ASB5: variants seen among roughly 807,000 people sequenced by gnomAD.
ASB5 encodes ankyrin repeat and SOCS box protein 5.
ASB5 carries 45 observed loss-of-function variants against 42.1 expected under a neutral mutation model. That is an observed-to-expected ratio of 1.07 (90% CI 0.84 to 1.37). The LOEUF (loss-of-function observed/expected upper bound fraction) is 1.37. ASB5 is among the 40% of genes most tolerant of loss of function. The pLI, the probability that ASB5 is intolerant of heterozygous loss-of-function variation, is 0.00. For synonymous variants in ASB5, 147 were observed against 150.6 expected, an observed-to-expected ratio of 0.98 and a Z score of 0.18; for missense variants, 402 against 399.8, an observed-to-expected ratio of 1.01 and a Z score of -0.05.
intron 1 of ASB5, among the ~76,000 whole-genome samples, chr4:176,268,642 A>G (rs1394402430): frequency 6.6e-6 from 1 of 152,068 alleles, no homozygotes; most frequent in African/African-American, 2.4e-5. Context: ...ATAGGAATAG[A>G]TATATTTCTA....
At chr4:176,220,328 ATG>A (rs1753167225) in intron 5 of ASB5, among the ~76,000 whole-genome samples, 1 of 152,230 alleles carries the variant, frequency 6.6e-6, no homozygotes. Context: ...AGCTAAGATA[ATG>A]TGAGTAGTGC....
At chr4:176,263,929 C>T (rs1754310720) in intron 1 of ASB5, among the ~76,000 whole-genome samples, 2 of 152,102 alleles carry the variant, frequency 1.3e-5, no homozygotes, top group East Asian at 1.9e-4. Flanking sequence ...ATTCTTACTG[C>T]TTTTCCTATC....
chr4:176,268,802 A>T, intron 1 of ASB5, 111 bp downstream of exon 1: 1 of 968,844 alleles, frequency 1.0e-6, no homozygotes, highest in Non-Finnish European at 1.4e-6. Flanking sequence ...TTCCCTTAAC[A>T]AAAGTTTATA....
chr4:176,244,576 C>G (rs891494473), intron 1 of ASB5, among the ~76,000 whole-genome samples: 8 of 152,088 alleles, frequency 5.3e-5, no homozygotes, highest in African/African-American at 1.7e-4. Flanking sequence ...ATCCTACGAC[C>G]AAGTGAAAAT....
chr4:176,260,270 A>T (rs577202492), intron 1 of ASB5, among the ~76,000 whole-genome samples: 59 of 152,206 alleles, frequency 3.9e-4, no homozygotes, highest in Admixed American at 1.4e-3. Context: ...TGAGCCCCTG[A>T]CGGCCTTCTA....
At chr4:176,216,784 TG>T (rs759812971) in intron 6 of ASB5, 33 bp downstream of exon 6, 4 of 1,499,076 alleles carry the variant, frequency 2.7e-6, no homozygotes, top group Non-Finnish European at 3.6e-6. Flanking sequence ...AAATATATTT[TG>T]TTTTTGTAAG....
At chr4:176,267,975 T>C (rs552470970) in intron 1 of ASB5, among the ~76,000 whole-genome samples, 3 of 152,338 alleles carry the variant, frequency 2.0e-5, no homozygotes, top group East Asian at 3.9e-4. Flanking sequence ...GACTTTTCTT[T>C]CAAGTTTACA....
chr4:176,237,296 T>C, intron 1 of ASB5: 1 of 985,880 alleles, frequency 1.0e-6, no homozygotes, highest in African/African-American at 1.7e-5. Flanking sequence ...ATACTAACCT[T>C]GACTGGTCAG....
At chr4:176,216,739 CA>C in intron 6 of ASB5, 78 bp downstream of exon 6, 1 of 1,225,976 alleles carries the variant, frequency 8.2e-7, no homozygotes. Context: ...CTTTCCATGC[CA>C]ACAAAAACTC....
At chr4:176,229,426 G>A (rs1196327710) in intron 1 of ASB5, among the ~76,000 whole-genome samples, 3 of 152,080 alleles carry the variant, frequency 2.0e-5, no homozygotes, top group African/African-American at 7.2e-5. Context: ...CTTCTCCCTT[G>A]CATACTAATG....
rs370943975 is a variant in ASB5 at position 176,260,308 on chromosome 4, G to A, written c.196+8605C>T. Reference sequence around the variant, plus strand: ...AAAATCTTAAATCTACCTTAAATATGGGATATTAATCTATCTTAAATCTAT... The same window carrying A: ...AAAATCTTAAATCTACCTTAAATATAGGATATTAATCTATCTTAAATCTAT... On this transcript the variant is annotated intron_variant, in intron 1 of 6. Coordinates refer to ENST00000296525, the MANE Select transcript of ASB5 (RefSeq NM_080874.4). Among the ~76,000 whole-genome samples the A allele has an allele frequency of 3.9e-5, 6 of 152,142 alleles. No individual in the cohort carries two copies. In the East Asian group the frequency reaches 9.7e-4, roughly 24 times the overall value.
At chr4:176,229,712 C>T (rs1753475450) in intron 1 of ASB5, among the ~76,000 whole-genome samples, 1 of 151,890 alleles carries the variant, frequency 6.6e-6, no homozygotes, top group African/African-American at 2.4e-5. Context: ...TACGTATGTG[C>T]ACTTGCTATT....
intron 1 of ASB5, among the ~76,000 whole-genome samples, chr4:176,255,003 G>A (rs1164315822): frequency 5.3e-5 from 8 of 152,248 alleles, no homozygotes; most frequent in Non-Finnish European, 7.4e-5. Context: ...GGTGGCGCGT[G>A]CCTGTAATCC....
intron 1 of ASB5, among the ~76,000 whole-genome samples, chr4:176,233,513 T>G (rs1316267464): frequency 6.6e-6 from 1 of 152,182 alleles, no homozygotes; most frequent in Non-Finnish European, 1.5e-5. Context: ...GTTTAAACAG[T>G]GTTACCATTT....
At chr4:176,236,224 G>A (rs543387681) in intron 1 of ASB5, among the ~76,000 whole-genome samples, 21 of 151,604 alleles carry the variant, frequency 1.4e-4, no homozygotes, top group African/African-American at 2.4e-4. Flanking sequence ...TAATGCCTGC[G>A]GTTTAGTGCA....
intron 5 of ASB5, among the ~76,000 whole-genome samples, chr4:176,219,897 T>C (rs6842033): frequency 0.9 from 137,346 of 151,784 alleles, 62,274 homozygotes; most frequent in African/African-American, 0.93. Context: ...GAATAATATT[T>C]CTAGCAAAGG....
chr4:176,270,294 A>C (rs77436376), upstream of ASB5, among the ~76,000 whole-genome samples: 361 of 152,286 alleles, frequency 2.4e-3, 6 homozygotes, highest in East Asian at 0.034. Flanking sequence ...ATAACAAAAA[A>C]CAAACATAAG....
At chr4:176,237,594 T>G (rs750762382) in intron 1 of ASB5, 1 of 984,654 alleles carries the variant, frequency 1.0e-6, no homozygotes, top group Non-Finnish European at 1.2e-6. Flanking sequence ...TCAGAAACAC[T>G]TGGATCAGGG....
At chr4:176,261,567 CT>C (rs1754268717) in intron 1 of ASB5, among the ~76,000 whole-genome samples, 2 of 152,180 alleles carry the variant, frequency 1.3e-5, no homozygotes. Flanking sequence ...AACTTTTCCT[CT>C]TTTTTTCTTT....
Sources: gnomAD v4.1 joint callset for allele counts (sites outside exome capture counted in the v4.1 genomes callset) on GRCh38, gnomAD v4.1.1 for gene constraint, MANE v1.5 for transcripts, NCBI Gene and HGNC (gene_info 2026-07-23, HGNC 2026-07-21) for gene names.